GADL1: variants seen among roughly 807,000 people sequenced by gnomAD.
GADL1 encodes the protein GAD like acidic amino acid decarboxylase 1.
A neutral mutation model predicts 69.5 loss-of-function variants in GADL1; 71 were observed. The ratio of observed to expected loss-of-function variants is 1.02; its 90% CI spans 0.84 to 1.25. GADL1 has a LOEUF of 1.25. Ranked by LOEUF, GADL1 falls within the 50% of genes most tolerant of loss-of-function variation. The pLI, the probability that GADL1 is intolerant of heterozygous loss-of-function variation, is 0.00. For synonymous variants in GADL1, 254 were observed against 214.4 expected (o/e 1.18, Z -1.62); for missense variants, 737 against 631.8 (o/e 1.17, Z -1.79).
chr3:30,844,650 G>A (rs1290540394), intron 6 of GADL1, among the ~76,000 whole-genome samples, 184 bp from the exon 7 acceptor site: 1 of 152,164 alleles, frequency 6.6e-6, no homozygotes, highest in African/African-American at 2.4e-5. Flanking sequence ...TGGGGTCAGA[G>A]AAACCAGGAT....
At chr3:30,752,610 A>G (rs1040767412) in intron 14 of GADL1, among the ~76,000 whole-genome samples, 1 of 152,112 alleles carries the variant, frequency 6.6e-6, no homozygotes, top group African/African-American at 2.4e-5. Flanking sequence ...CTTTCTCTTA[A>G]CCTGTTCCCC....
At chr3:30,804,831 A>G (rs954890896) in intron 11 of GADL1, among the ~76,000 whole-genome samples, 5 of 152,188 alleles carry the variant, frequency 3.3e-5, no homozygotes, top group African/African-American at 1.2e-4. Flanking sequence ...AACATTACCC[A>G]TGTAGAGAGA....
chr3:30,889,609 C>T (rs1341359390), intron 1 of GADL1, among the ~76,000 whole-genome samples: 1 of 152,164 alleles, frequency 6.6e-6, no homozygotes, highest in Non-Finnish European at 1.5e-5. Context: ...TTCTTAGTCA[C>T]TGGATTCCAG....
chr3:30,881,936 T>A (rs2125544999), intron 1 of GADL1, among the ~76,000 whole-genome samples: 1 of 151,974 alleles, frequency 6.6e-6, no homozygotes, highest in East Asian at 2.0e-4. Context: ...CATCATGGAA[T>A]GATGGAGCAA....
intron 1 of GADL1, among the ~76,000 whole-genome samples, chr3:30,878,896 A>G (rs1299927201): frequency 6.6e-6 from 1 of 151,918 alleles, no homozygotes; most frequent in Non-Finnish European, 1.5e-5. Flanking sequence ...TTAAAACATG[A>G]TATATAGTAA....
intron 1 of GADL1, among the ~76,000 whole-genome samples, chr3:30,877,253 C>G (rs1284446835): frequency 6.6e-6 from 1 of 151,806 alleles, no homozygotes; most frequent in Non-Finnish European, 1.5e-5. Context: ...ATCTATGCAG[C>G]CTCTCTCACC....
At chr3:30,863,805 C>T (rs935039856) in intron 1 of GADL1, among the ~76,000 whole-genome samples, 13 of 133,648 alleles carry the variant, frequency 9.7e-5, no homozygotes, top group African/African-American at 3.4e-4. Context: ...TAGACTCCAC[C>T]TTCTCCTCAA....
intron 11 of GADL1, among the ~76,000 whole-genome samples, chr3:30,808,907 C>T (rs1371756341): frequency 6.6e-6 from 1 of 152,186 alleles, no homozygotes; most frequent in African/African-American, 2.4e-5. Context: ...CATCTTTGCA[C>T]TTATGTTCAC....
intron 14 of GADL1, among the ~76,000 whole-genome samples, chr3:30,766,060 A>T: frequency 6.6e-6 from 1 of 152,338 alleles, no homozygotes; most frequent in Non-Finnish European, 1.5e-5. Context: ...TTGGAGTCAG[A>T]CATAAAAATT....
intron 11 of GADL1, among the ~76,000 whole-genome samples, chr3:30,804,884 T>C (rs145863526): frequency 1.4e-3 from 207 of 152,344 alleles, no homozygotes; most frequent in African/African-American, 4.7e-3. Context: ...TGAACCTTTT[T>C]GTGACCAAAC....
At chr3:30,891,735 G>T (rs73823949) in intron 1 of GADL1, among the ~76,000 whole-genome samples, 5,739 of 152,134 alleles carry the variant, frequency 0.038, 360 homozygotes, top group African/African-American at 0.13. Flanking sequence ...TTGTAGTTCG[G>T]CACAGCAATA....
intron 11 of GADL1, among the ~76,000 whole-genome samples, chr3:30,833,338 G>GTA (rs1697821548): frequency 6.6e-6 from 1 of 152,080 alleles, no homozygotes; most frequent in Admixed American, 6.6e-5. Context: ...AAGAAGCTAA[G>GTA]TACCAACCAC....
intron 1 of GADL1, among the ~76,000 whole-genome samples, chr3:30,861,967 CAA>C (rs1698327396): frequency 6.6e-6 from 1 of 151,928 alleles, no homozygotes; most frequent in African/African-American, 2.4e-5. Flanking sequence ...AGAAAGCTCA[CAA>C]TTTATGGATT....
Position 30,741,112 on chromosome 3 carries a change from GTATATATA to G in GADL1, c.1393-12705_1393-12698del, listed in dbSNP as rs67611024. Among the ~76,000 whole-genome samples the G allele has an allele frequency of 3.5e-3, 397 of 113,886 alleles. 8 individuals are homozygous for G. Among genetic ancestry groups the G allele is most frequent in the Non-Finnish European group, 3.3e-3 (203 of 60,620 alleles). The allele number at this position is 113,886 out of a possible 152,430, so 74.7% of individuals were successfully genotyped here. On this transcript the variant is annotated intron_variant, in intron 14 of 14. Transcript: ENST00000282538. ...TTTGTATTATATATATGTATTCCTA[GTATATATA>G]TATATATATATATATATATGTGTGA...
intron 4 of GADL1, among the ~76,000 whole-genome samples, chr3:30,852,074 A>T (rs1353938721): frequency 6.6e-6 from 1 of 152,190 alleles, no homozygotes; most frequent in Non-Finnish European, 1.5e-5. Context: ...ATTTAGATTT[A>T]TAGTCACAGA....
At chr3:30,763,643 C>CAT (rs1406601474) in intron 14 of GADL1, among the ~76,000 whole-genome samples, 4 of 152,078 alleles carry the variant, frequency 2.6e-5, no homozygotes, top group African/African-American at 9.7e-5. Context: ...TAAGAGGAAG[C>CAT]CTATTTTATA....
intron 11 of GADL1, among the ~76,000 whole-genome samples, chr3:30,807,442 T>C (rs561820886): frequency 1.3e-5 from 2 of 152,358 alleles, no homozygotes; most frequent in East Asian, 3.9e-4. Flanking sequence ...ATCAATGCTC[T>C]ACATCCTTCA....
chr3:30,743,747 G>A (rs564759976), intron 14 of GADL1, among the ~76,000 whole-genome samples: 1 of 152,156 alleles, frequency 6.6e-6, no homozygotes, highest in African/African-American at 2.4e-5. Flanking sequence ...TTTTATTATT[G>A]TTCTTCATTA....
At chr3:30,773,684 C>T (rs1264476191) in intron 14 of GADL1, among the ~76,000 whole-genome samples, 2 of 152,084 alleles carry the variant, frequency 1.3e-5, no homozygotes, top group African/African-American at 4.8e-5. Flanking sequence ...AAAATTTAGC[C>T]AGCTCTTTAT....
Sources: allele counts gnomAD v4.1 joint callset (sites outside exome capture counted in the v4.1 genomes callset), GRCh38; gene constraint gnomAD v4.1.1; transcripts MANE v1.5; gene names NCBI Gene and HGNC (gene_info 2026-07-23, HGNC 2026-07-21).